The following ABI3BP variants were observed in gnomAD, a reference collection of about 807,000 sequenced individuals.
ABI3BP encodes the protein ABI family member 3 binding protein, also known as target of Nesh-SH3.
ABI3BP carries 216 observed loss-of-function variants against 268.6 expected under a neutral mutation model. The observed-to-expected ratio is 0.80, with a 90% CI of 0.72 to 0.90. The LOEUF is 0.90. Ranked by LOEUF, ABI3BP falls within the 40% of genes least tolerant of loss-of-function variation. ABI3BP has a pLI of 0.00. For missense variants in ABI3BP, 2,090 were observed against 2,182.4 expected, an observed-to-expected ratio of 0.96 and a Z score of 0.84; for synonymous variants, 730 against 730.0, an observed-to-expected ratio of 1.00 and a Z score of 0.00.
chr3:100,765,051 C>T (rs542059954), intron 63 of ABI3BP, among the ~76,000 whole-genome samples: 27 of 150,174 alleles, frequency 1.8e-4, no homozygotes, highest in Middle Eastern at 6.8e-3. Context: ...CTCTTTTGAG[C>T]GTCACTATCA....
At chr3:100,944,436 A>G (rs547368435) in intron 1 of ABI3BP, among the ~76,000 whole-genome samples, 2 of 152,242 alleles carry the variant, frequency 1.3e-5, no homozygotes, top group South Asian at 4.1e-4. Context: ...TTTACAGGAC[A>G]AAGCAGAAAA....
intron 2 of ABI3BP, chr3:100,911,952 A>G: frequency 1.0e-6 from 1 of 969,388 alleles, no homozygotes; most frequent in Non-Finnish European, 1.7e-6. Context: ...TTGCTCATTT[A>G]CTTCACTTGA....
intron 9 of ABI3BP, among the ~76,000 whole-genome samples, chr3:100,867,859 A>G (rs1409512039): frequency 1.3e-5 from 2 of 152,062 alleles, no homozygotes; most frequent in African/African-American, 4.8e-5. Context: ...AGTACAAAGA[A>G]TAATTTTTTC....
Position 100,864,879 on chromosome 3 carries a change from A to C in ABI3BP, c.1017T>G (p.Thr339=), listed in dbSNP as rs746192062. The C allele has an allele frequency of 7.5e-6, 12 of 1,608,632 alleles. No individual in the cohort carries two copies. The African/African-American group carries it at 1.5e-4, about 20-fold the overall frequency. ...TVTPETVPRS[T]KPTTSSALDV... is the part of the protein sequence containing the mutation. ...CTAATGCACTAGACGTAGTGGGTTT[A>C]GTGCTTCTTGGAACTGTTTCAGGAG... The change falls in exon 11 of 68, where the codon ACT becomes ACG. Residue 339 remains threonine, a synonymous_variant. Coordinates refer to ENST00000471714, the MANE Select transcript of ABI3BP (RefSeq NM_001375547.2).
intron 63 of ABI3BP, among the ~76,000 whole-genome samples, chr3:100,760,421 G>A (rs560803): frequency 0.25 from 37,277 of 152,062 alleles, 5,135 homozygotes; most frequent in Non-Finnish European, 0.31. Flanking sequence ...GAAGAACTCC[G>A]TCCATCAGTG....
chr3:100,927,529 A>C (rs890573540), intron 1 of ABI3BP, among the ~76,000 whole-genome samples: 7 of 152,278 alleles, frequency 4.6e-5, no homozygotes, highest in African/African-American at 1.7e-4. Flanking sequence ...CATGGTTCCT[A>C]AGGCTGTACA....
At chr3:100,954,653 A>G (rs911363429) in intron 1 of ABI3BP, among the ~76,000 whole-genome samples, 2 of 152,230 alleles carry the variant, frequency 1.3e-5, no homozygotes, top group Non-Finnish European at 2.9e-5. Context: ...AATGAGACCA[A>G]CCTAGATCCA....
intron 2 of ABI3BP, among the ~76,000 whole-genome samples, chr3:100,907,127 C>A (rs1013630676): frequency 6.6e-6 from 1 of 152,170 alleles, no homozygotes; most frequent in African/African-American, 2.4e-5. Flanking sequence ...AAGTACTTAA[C>A]CTCTGTGTAC....
At chr3:100,808,980 A>G (rs1055718462) in intron 49 of ABI3BP, among the ~76,000 whole-genome samples, 4 of 152,092 alleles carry the variant, frequency 2.6e-5, no homozygotes, top group Non-Finnish European at 4.4e-5. Flanking sequence ...AACATGGTCA[A>G]CGTCATGTAG....
chr3:100,901,688 C>T (rs1282078937), intron 3 of ABI3BP, among the ~76,000 whole-genome samples: 1 of 151,820 alleles, frequency 6.6e-6, no homozygotes, highest in African/African-American at 2.4e-5. Flanking sequence ...ATGGCGTGAA[C>T]CTGGGAGGCG....
At chr3:100,878,864 A>C (rs920894671) in intron 6 of ABI3BP, among the ~76,000 whole-genome samples, 3 of 152,138 alleles carry the variant, frequency 2.0e-5, no homozygotes, top group Admixed American at 6.5e-5. Flanking sequence ...ATGTTAAAAC[A>C]ACTTTTATTT....
intron 3 of ABI3BP, among the ~76,000 whole-genome samples, chr3:100,902,193 C>T (rs752149216): frequency 7.2e-5 from 11 of 152,140 alleles, no homozygotes; most frequent in Non-Finnish European, 1.3e-4. Flanking sequence ...AAAGGTGAGA[C>T]ATAAAATTTT....
chr3:100,916,520 T>G (rs1294402655), intron 2 of ABI3BP, among the ~76,000 whole-genome samples: 1 of 152,194 alleles, frequency 6.6e-6, no homozygotes. Flanking sequence ...TTTCTTAACC[T>G]CTTGGGGACT....
chr3:100,757,124 AAG>A (rs2095663404), intron 63 of ABI3BP, among the ~76,000 whole-genome samples: 1 of 152,144 alleles, frequency 6.6e-6, no homozygotes, highest in Non-Finnish European at 1.5e-5. Context: ...CAAAAAGTCA[AAG>A]AGATGAAAAA....
chr3:100,813,646 A>G lies in ABI3BP; in HGVS notation c.3364+15T>C, dbSNP rs768217833. 3 of 1,527,830 alleles carry G rather than the reference A, an allele frequency of 2.0e-6. No individual in the cohort carries two copies. Among genetic ancestry groups the G allele is most frequent in the South Asian group, 2.4e-5 (2 of 83,826 alleles). 94.6% of individuals were successfully genotyped at this position (1,527,830 alleles called of 1,614,324 possible). On this transcript the variant is annotated intron_variant, in intron 45 of 67. Coordinates refer to ENST00000471714, the MANE Select transcript of ABI3BP (RefSeq NM_001375547.2). ...AGCACACAGTATACCCAGACAGATA[A>G]AACAATCTATTTACCAGGTTGACTT... is the stretch of plus-strand genomic sequence containing the variant.
chr3:100,771,221 A>AT (rs1307608369), intron 61 of ABI3BP, among the ~76,000 whole-genome samples: 1 of 152,188 alleles, frequency 6.6e-6, no homozygotes, highest in Admixed American at 6.5e-5. Context: ...TTTAAACTTC[A>AT]TACTTTATGG....
At chr3:100,846,480 T>C in intron 19 of ABI3BP, 34 bp from the exon 20 acceptor site, 1 of 1,490,420 alleles carries the variant, frequency 6.7e-7, no homozygotes, top group Non-Finnish European at 9.1e-7. Context: ...AATAAACAAA[T>C]CAATATTTAG....
Position 100,860,771 on chromosome 3 carries a change from G to A in ABI3BP, c.1285+1540C>T, listed in dbSNP as rs138361924. ...TAAAGAAAACCCAAAAGAACCCCAT[G>A]TTCCCCATGTTATAACCGAAAAGCT... On this transcript the variant is annotated intron_variant, in intron 14 of 67. Transcript: ENST00000471714. Among the ~76,000 whole-genome samples the A allele has an allele frequency of 1.8e-4, 27 of 152,264 alleles. No homozygotes were observed. The East Asian group carries it at 4.6e-3, about 26-fold the overall frequency.
chr3:100,804,835 T>A lies in ABI3BP; in HGVS notation c.3714A>T (p.Lys1238Asn), dbSNP rs201739900. Residue 1238 changes from lysine to asparagine, a missense_variant, in exon 51 of 68, where the codon AAA (lysine) becomes AAT (asparagine). By Grantham distance (94) the Lys-to-Asn change is moderately conservative. Transcript: ENST00000471714. ...VPKVPQRVTA[K>N]PKTSPSPEVS... ...CTTCTGGACTTGGTGACGTTTTTGG[T>A]TTTGCAGTAACACGCTGGGGCACCT... 6.2e-7 allele frequency: 1 copy of A among 1,613,008 alleles called. No homozygotes were observed. The highest frequency in any genetic ancestry group is 1.7e-5 in the Admixed American group (1 of 59,964).
Sources: allele counts gnomAD v4.1 joint callset (sites outside exome capture counted in the v4.1 genomes callset), GRCh38; gene constraint gnomAD v4.1.1; transcripts MANE v1.5; gene names NCBI Gene and HGNC (gene_info 2026-07-23, HGNC 2026-07-21).